BOC: variants seen among roughly 807,000 people sequenced by gnomAD.
The protein encoded by BOC is BOC cell adhesion associated, oncogene regulated, also known as brother of CDO.
Under a neutral mutation model 112.0 loss-of-function variants are expected in BOC, and 76 were observed. That is an observed-to-expected ratio of 0.68 (90% CI 0.56 to 0.82). The LOEUF (loss-of-function observed/expected upper bound fraction) is 0.82, where lower values mean the gene tolerates loss of function less well. BOC is among the 40% of genes least tolerant of loss of function. The probability of loss-of-function intolerance (pLI) is 0.00; values close to 1 mark genes in which losing one functional copy is unlikely to be tolerated. For synonymous variants in BOC, 580 were observed against 599.8 expected, an observed-to-expected ratio of 0.97 and a Z score of 0.48; for missense variants, 1,309 against 1,511.7, an observed-to-expected ratio of 0.87 and a Z score of 2.22.
At chr3:113,216,900 A>C (rs573290454) in intron 2 of BOC, among the ~76,000 whole-genome samples, 1 of 152,330 alleles carries the variant, frequency 6.6e-6, no homozygotes, top group Non-Finnish European at 1.5e-5. Flanking sequence ...TAGCAAAAGG[A>C]AAGTGCATAA....
chr3:113,268,154 C>T (rs1056853527), intron 4 of BOC, 145 bp from the exon 5 acceptor site: 2 of 1,277,496 alleles, frequency 1.6e-6, no homozygotes, highest in East Asian at 5.1e-5. Flanking sequence ...CAACAAGGGG[C>T]TGGAGGAAGA....
Position 113,281,096 on chromosome 3 carries a change from T to C in BOC, c.2377T>C (p.Cys793Arg). The C allele has an allele frequency of 6.2e-7, 1 of 1,614,094 alleles. No homozygotes were observed. The highest frequency in any genetic ancestry group is 8.5e-7 in the Non-Finnish European group (1 of 1,180,000). The change falls in exon 15 of 20, where the codon TGC becomes CGC. Residue 793 changes from cysteine to arginine, a missense_variant. Transcript: ENST00000682979. Reference protein sequence around the residue: ...PETSYDIKMQCFNEGGESEFS... With the variant: ...PETSYDIKMQRFNEGGESEFS... ...GACCTCCTACGACATTAAGATGCAG[T>C]GCTTCAATGAAGGAGGGGAGAGCGA...
intron 2 of BOC, among the ~76,000 whole-genome samples, chr3:113,226,769 C>T (rs1941732784): frequency 6.6e-6 from 1 of 152,202 alleles, no homozygotes; most frequent in Non-Finnish European, 1.5e-5. Flanking sequence ...CCTACTGTAG[C>T]CTGCCTCTCC....
intron 2 of BOC, among the ~76,000 whole-genome samples, chr3:113,218,522 A>C (rs772969561): frequency 4.6e-5 from 7 of 152,342 alleles, no homozygotes; most frequent in Non-Finnish European, 8.8e-5. Context: ...AGACTTAAAA[A>C]TGCAGTCAGT....
chr3:113,238,696 A>G (rs75791216), intron 2 of BOC, among the ~76,000 whole-genome samples: 4,489 of 152,288 alleles, frequency 0.029, 90 homozygotes, highest in Non-Finnish European at 0.047. Context: ...TCACCCTGAG[A>G]TTTATCATCT....
chr3:113,243,366 A>T (rs1944537261), intron 2 of BOC, among the ~76,000 whole-genome samples: 1 of 152,170 alleles, frequency 6.6e-6, no homozygotes, highest in Non-Finnish European at 1.5e-5. Context: ...TTTGAAAGAG[A>T]TTACACCCAT....
intron 8 of BOC, 72 bp downstream of exon 8, chr3:113,273,413 T>A: frequency 6.8e-7 from 1 of 1,467,424 alleles, no homozygotes; most frequent in Admixed American, 2.4e-5. Flanking sequence ...GAAATCTAAC[T>A]TGGAACCCCA....
chr3:113,236,296 A>ATATATATATATATG (rs1559821867), intron 2 of BOC, among the ~76,000 whole-genome samples: 1 of 115,846 alleles, frequency 8.6e-6, no homozygotes, highest in East Asian at 2.2e-4. Context: ...ATATATATAT[A>ATATATATATATATG]TATATATATA....
At chr3:113,281,253 G>A (rs1949174271) in intron 15 of BOC, 100 bp downstream of exon 15, 2 of 1,413,742 alleles carry the variant, frequency 1.4e-6, no homozygotes, top group Non-Finnish European at 1.9e-6. Flanking sequence ...CTCTTTCCCA[G>A]GAAGACTCTT....
intron 1 of BOC, among the ~76,000 whole-genome samples, chr3:113,215,057 G>A (rs758085290): frequency 6.6e-6 from 1 of 152,152 alleles, no homozygotes; most frequent in Non-Finnish European, 1.5e-5. Context: ...CTACATTTTT[G>A]ACTAAAGACT....
At chr3:113,223,071 G>A (rs966993834) in intron 2 of BOC, among the ~76,000 whole-genome samples, 8 of 152,186 alleles carry the variant, frequency 5.3e-5, no homozygotes, top group Admixed American at 2.6e-4. Context: ...TTCTGACTTG[G>A]TTCTAGATTT....
chr3:113,237,759 AT>A (rs1161274528), intron 2 of BOC, among the ~76,000 whole-genome samples: 4 of 152,168 alleles, frequency 2.6e-5, no homozygotes, highest in African/African-American at 9.7e-5. Flanking sequence ...AGGAAAAAAA[AT>A]TGGTTCCACC....
At chr3:113,255,024 G>A (rs866170145) in intron 4 of BOC, among the ~76,000 whole-genome samples, 22 of 152,180 alleles carry the variant, frequency 1.4e-4, no homozygotes, top group African/African-American at 5.3e-4. Flanking sequence ...TGGCCATGTG[G>A]GTAATGGCTG....
chr3:113,250,927 C>G (rs1423174924), intron 4 of BOC, 94 bp downstream of exon 4: 5 of 1,488,394 alleles, frequency 3.4e-6, no homozygotes, highest in Non-Finnish European at 4.6e-6. Context: ...TCTTGTTACT[C>G]TTAGCATAAA....
chr3:113,257,210 T>A (rs1946320460), intron 4 of BOC, among the ~76,000 whole-genome samples: 1 of 152,204 alleles, frequency 6.6e-6, no homozygotes, highest in Admixed American at 6.5e-5. Context: ...CGGAGATGTT[T>A]CCACGCTGCC....
chr3:113,245,790 A>T (rs1299061748), intron 2 of BOC, among the ~76,000 whole-genome samples: 1 of 152,062 alleles, frequency 6.6e-6, no homozygotes. Flanking sequence ...GCTACATCAC[A>T]CTCTCTCCTA....
intron 4 of BOC, among the ~76,000 whole-genome samples, chr3:113,252,865 C>G (rs1181485979): frequency 6.6e-6 from 1 of 152,098 alleles, no homozygotes; most frequent in Non-Finnish European, 1.5e-5. Context: ...CCGTGGGTGG[C>G]TAGAGGGCCC....
chr3:113,278,288 G>C lies in BOC; in HGVS notation c.1705+31G>C, dbSNP rs777033644. ...AGTCAAACATTGCCCCTTGCTTAGGGTTTCCGTGGGTCTAAGCAAGTTCCA... is the reference window on the plus strand; with the variant it reads ...AGTCAAACATTGCCCCTTGCTTAGGCTTTCCGTGGGTCTAAGCAAGTTCCA... On this transcript the variant is annotated intron_variant, in intron 10 of 19. Coordinates refer to ENST00000682979, the MANE Select transcript of BOC (RefSeq NM_001378074.1). This position sits in a 1 kb window ranked among gnomAD's most constrained non-coding sequence, Gnocchi z 4.2. 6.2e-7 allele frequency: 1 copy of C among 1,610,670 alleles called. No individual in the cohort carries two copies. Among genetic ancestry groups the C allele is most frequent in the Non-Finnish European group, 8.5e-7 (1 of 1,177,442 alleles).
chr3:113,230,452 A>T (rs566891614), intron 2 of BOC, among the ~76,000 whole-genome samples: 6 of 152,344 alleles, frequency 3.9e-5, no homozygotes, highest in African/African-American at 1.2e-4. Flanking sequence ...AAGGACCCCA[A>T]GACCAGCAAG....
Sources: gnomAD v4.1 joint callset for allele counts (sites outside exome capture counted in the v4.1 genomes callset) on GRCh38, gnomAD v4.1.1 for gene constraint, Gnocchi (gnomAD v3.1) non-coding constraint, MANE v1.5 for transcripts, NCBI Gene and HGNC (gene_info 2026-07-23, HGNC 2026-07-21) for gene names.